RBFOX3: variants seen among roughly 807,000 people sequenced by gnomAD.
RBFOX3 encodes RNA binding fox-1 homolog 3.
In RBFOX3, 17 loss-of-function variants were observed where a neutral mutation model predicts 48.7. The observed-to-expected ratio is 0.35, with a 90% CI of 0.24 to 0.52. The LOEUF is 0.52. Among genes scored for constraint, RBFOX3 ranks in the 20% least tolerant of loss-of-function variants. RBFOX3 has a pLI of 0.94. For synonymous variants in RBFOX3, 212 were observed against 209.5 expected (o/e 1.01, Z -0.10); for missense variants, 382 against 497.5 (o/e 0.77, Z 2.21).
chr17:79,589,240 G>A (rs1173142959), intron 1 of RBFOX3, among the ~76,000 whole-genome samples: 2 of 133,234 alleles, frequency 1.5e-5, no homozygotes, highest in Non-Finnish European at 3.6e-5. Flanking sequence ...TCTGAGTCTG[G>A]GTGTGGACTC....
chr17:79,413,774 G>T (rs370754066), intron 2 of RBFOX3, among the ~76,000 whole-genome samples: 2 of 152,188 alleles, frequency 1.3e-5, no homozygotes, highest in African/African-American at 2.4e-5. Flanking sequence ...CACCCAGCCC[G>T]GGCCATCCTT....
At chr17:79,466,062 C>A (rs1568300596) in intron 2 of RBFOX3, among the ~76,000 whole-genome samples, 2 of 152,354 alleles carry the variant, frequency 1.3e-5, no homozygotes, top group East Asian at 1.9e-4. Flanking sequence ...CTCCCTCTGC[C>A]CAAAGTGCAT....
At chr17:79,151,285 G>T (rs1190696201) in intron 4 of RBFOX3, among the ~76,000 whole-genome samples, 3 of 150,400 alleles carry the variant, frequency 2.0e-5, no homozygotes, top group African/African-American at 7.4e-5. Context: ...CAGTGCCGGG[G>T]CTGAAGGGAC....
chr17:79,250,760 CTTTTCT>C (rs1339681670), intron 3 of RBFOX3, among the ~76,000 whole-genome samples: 1 of 151,956 alleles, frequency 6.6e-6, no homozygotes, highest in Non-Finnish European at 1.5e-5. Context: ...CCTTTCTTTC[CTTTTCT>C]TTTTCTTTCC....
At chr17:79,131,950 C>G (rs923869124) in intron 4 of RBFOX3, among the ~76,000 whole-genome samples, 1 of 152,178 alleles carries the variant, frequency 6.6e-6, no homozygotes. Context: ...GTAATTCTCT[C>G]CAAGCTCACT....
intron 1 of RBFOX3, among the ~76,000 whole-genome samples, chr17:79,587,676 C>T (rs2093295518): frequency 1.3e-5 from 2 of 152,196 alleles, no homozygotes; most frequent in Non-Finnish European, 2.9e-5. Flanking sequence ...AGACCACAAG[C>T]TTCGGACCAA....
At chr17:79,177,924 C>T (rs1030097663) in intron 4 of RBFOX3, among the ~76,000 whole-genome samples, 1 of 152,224 alleles carries the variant, frequency 6.6e-6, no homozygotes, top group Admixed American at 6.5e-5. Flanking sequence ...CATTTGTCCA[C>T]GTTGGGAGGA....
intron 14 of RBFOX3, 41 bp from the exon 15 acceptor site, chr17:79,090,926 G>C (rs1417840724): frequency 2.6e-6 from 4 of 1,533,746 alleles, no homozygotes; most frequent in Non-Finnish European, 3.5e-6. Context: ...AGCTTCTCGG[G>C]GGAGGCACAG....
intron 1 of RBFOX3, among the ~76,000 whole-genome samples, chr17:79,520,780 G>A (rs1185989673): frequency 2.6e-5 from 4 of 152,154 alleles, no homozygotes; most frequent in Non-Finnish European, 5.9e-5. Flanking sequence ...GGGCCCTCCC[G>A]GCTGGCCGGG....
At chr17:79,327,512 C>A (rs560220158) in intron 2 of RBFOX3, among the ~76,000 whole-genome samples, 1 of 152,232 alleles carries the variant, frequency 6.6e-6, no homozygotes, top group Non-Finnish European at 1.5e-5. Flanking sequence ...AGGTCCTAAC[C>A]GGGATGAAAT....
At chr17:79,371,745 C>A (rs982903324) in intron 2 of RBFOX3, among the ~76,000 whole-genome samples, 2 of 152,136 alleles carry the variant, frequency 1.3e-5, no homozygotes, top group Non-Finnish European at 2.9e-5. Context: ...GCAGATCCTG[C>A]AAGTGGGAGG....
intron 4 of RBFOX3, among the ~76,000 whole-genome samples, chr17:79,175,946 T>C (rs2050445799): frequency 6.6e-6 from 1 of 152,172 alleles, no homozygotes; most frequent in Non-Finnish European, 1.5e-5. Flanking sequence ...GGGGCTCGCA[T>C]ACACCCTCAC....
intron 1 of RBFOX3, among the ~76,000 whole-genome samples, chr17:79,540,331 A>C (rs1481755412): frequency 6.6e-6 from 1 of 152,256 alleles, no homozygotes; most frequent in African/African-American, 2.4e-5. Flanking sequence ...GCTGTGTTCC[A>C]GCCTGACAGT....
At chr17:79,130,506 C>G (rs572536700) in intron 4 of RBFOX3, among the ~76,000 whole-genome samples, 1 of 152,250 alleles carries the variant, frequency 6.6e-6, no homozygotes, top group African/African-American at 2.4e-5. Context: ...CTGCCAGGAG[C>G]GTGGATGTCC....
intron 2 of RBFOX3, among the ~76,000 whole-genome samples, chr17:79,326,706 C>G (rs1033224035): frequency 6.6e-6 from 1 of 152,162 alleles, no homozygotes; most frequent in Non-Finnish European, 1.5e-5. Context: ...CTGCATTACT[C>G]CCGACATGTC....
intron 3 of RBFOX3, among the ~76,000 whole-genome samples, chr17:79,253,177 C>T (rs1322332307): frequency 6.6e-6 from 1 of 152,212 alleles, no homozygotes; most frequent in Non-Finnish European, 1.5e-5. Context: ...CCTCCTAGCA[C>T]AATGCATCTG....
chr17:79,292,584 G>A (rs112808805), intron 3 of RBFOX3, among the ~76,000 whole-genome samples: 1,342 of 63,654 alleles, frequency 0.021, 7 homozygotes, highest in Middle Eastern at 0.062. Flanking sequence ...ACACACACAT[G>A]CACACACACA....
At chr17:79,157,821 G>A (rs1012738481) in intron 4 of RBFOX3, among the ~76,000 whole-genome samples, 1 of 152,188 alleles carries the variant, frequency 6.6e-6, no homozygotes, top group African/African-American at 2.4e-5. Context: ...GCCAGCCCCA[G>A]ATGAACAATG....
chr17:79,216,591 C>T (rs1307009917), intron 4 of RBFOX3, among the ~76,000 whole-genome samples: 1 of 152,126 alleles, frequency 6.6e-6, no homozygotes, highest in African/African-American at 2.4e-5. Context: ...CCCTCAGGCC[C>T]AGAGCACAGG....
Sources: allele counts gnomAD v4.1 joint callset (sites outside exome capture counted in the v4.1 genomes callset), GRCh38; gene constraint gnomAD v4.1.1; transcripts MANE v1.5; gene names NCBI Gene and HGNC (gene_info 2026-07-23, HGNC 2026-07-21).